Variants in SHROOM2 observed in about 807,000 individuals in gnomAD.
The protein encoded by SHROOM2 is shroom family member 2.
In SHROOM2, 33 loss-of-function variants were observed where a neutral mutation model predicts 75.9. The ratio of observed to expected loss-of-function variants is 0.43; its 90% confidence interval spans 0.33 to 0.58. The LOEUF is 0.58. Among genes scored for constraint, SHROOM2 ranks in the 20% least tolerant of loss-of-function variants. The pLI is 0.04. For synonymous variants in SHROOM2, 655 were observed against 663.6 expected, an observed-to-expected ratio of 0.99 and a Z score of 0.20; for missense variants, 1,434 against 1,461.2, an observed-to-expected ratio of 0.98 and a Z score of 0.30.
intron 1 of SHROOM2, among the ~76,000 whole-genome samples, chrX:9,808,575 A>G (rs191719488): frequency 9.1e-6 from 1 of 109,941 alleles, no homozygotes; most frequent in East Asian, 2.9e-4. Flanking sequence ...ATAAGTGGAT[A>G]TAATGGTTGG....
intron 5 of SHROOM2, among the ~76,000 whole-genome samples, chrX:9,915,817 G>A (rs1170992894): frequency 8.9e-6 from 1 of 112,307 alleles, no homozygotes; most frequent in Non-Finnish European, 1.9e-5. Flanking sequence ...TGGTTCAGCT[G>A]AGTTAGAAGA....
chrX:9,872,287 G>A (rs2084174846), intron 1 of SHROOM2, among the ~76,000 whole-genome samples: 1 of 113,059 alleles, frequency 8.8e-6, no homozygotes, highest in Admixed American at 9.3e-5. Context: ...AATGTAGGCC[G>A]CGCACGGTGG....
chrX:9,910,011 C>T (rs1210522939), intron 5 of SHROOM2, among the ~76,000 whole-genome samples: 1 of 110,349 alleles, frequency 9.1e-6, no homozygotes, highest in African/African-American at 3.3e-5. Context: ...ATCCCATTCG[C>T]AAGAGCTCCA....
intron 5 of SHROOM2, among the ~76,000 whole-genome samples, chrX:9,910,614 C>T (rs1352072713): frequency 1.8e-5 from 2 of 109,124 alleles, no homozygotes; most frequent in East Asian, 5.8e-4. Context: ...GTCAGGAGTT[C>T]GAGACCAGCC....
At chrX:9,829,819 G>T (rs1324310796) in intron 1 of SHROOM2, among the ~76,000 whole-genome samples, 2 of 111,880 alleles carry the variant, frequency 1.8e-5, no homozygotes, top group African/African-American at 6.5e-5. Context: ...TCTAGTTGGG[G>T]TAGGTACAAA....
At position 9,853,969 on chromosome X, in the gene SHROOM2, G is replaced by A. The variant is rs182430265; in HGVS notation, c.166-19683G>A. 6.3e-5 allele frequency among the ~76,000 whole-genome samples: 7 copies of A among 111,981 alleles called. No homozygotes were observed. The East Asian group carries it at 2.0e-3, about 31-fold the overall frequency. ...CCAAATTCCATGCCTTATGGAGAAA[G>A]CCAAGGCTCGTTAGTCTGGTTTGTG... On this transcript the variant is annotated intron_variant, in intron 1 of 9. Transcript: ENST00000380913.
chrX:9,801,706 C>T (rs2083724678), intron 1 of SHROOM2, among the ~76,000 whole-genome samples: 1 of 111,812 alleles, frequency 8.9e-6, no homozygotes, highest in African/African-American at 3.2e-5. Context: ...GTAATCCTAG[C>T]ACTTGGGAGG....
chrX:9,939,666 G>A lies in SHROOM2; in HGVS notation c.4311+300G>A, dbSNP rs774590388. Among the ~76,000 whole-genome samples, 4 of 112,279 alleles carry A rather than the reference G, an allele frequency of 3.6e-5. No individual in the cohort carries two copies. The South Asian group carries it at 1.5e-3, about 41-fold the overall frequency. On this transcript the variant is annotated intron_variant, in intron 8 of 9. Coordinates refer to ENST00000380913, the MANE Select transcript of SHROOM2 (RefSeq NM_001649.4). ...TCTTATTTATTTATTTTTGAGACAG[G>A]GTCTTGCTCTGTCGTGCAGGCTTGA...
At chrX:9,822,647 A>T (rs1319731389) in intron 1 of SHROOM2, among the ~76,000 whole-genome samples, 1 of 112,663 alleles carries the variant, frequency 8.9e-6, no homozygotes, top group Non-Finnish European at 1.9e-5. Flanking sequence ...CTGAGCAGGG[A>T]TCAGTCCTGG....
chrX:9,854,906 C>T (rs1463392088), intron 1 of SHROOM2, among the ~76,000 whole-genome samples: 1 of 111,180 alleles, frequency 9.0e-6, no homozygotes, highest in Non-Finnish European at 1.9e-5. Context: ...TAGCATGTCT[C>T]ATGTCAAAAT....
chrX:9,911,802 A>C (rs778096834), intron 5 of SHROOM2, among the ~76,000 whole-genome samples: 4 of 111,544 alleles, frequency 3.6e-5, no homozygotes. Flanking sequence ...ATATGGACAT[A>C]GAATAGGCTG....
At chrX:9,890,708 G>C (rs1362418809) in intron 2 of SHROOM2, among the ~76,000 whole-genome samples, 1 of 109,400 alleles carries the variant, frequency 9.1e-6, no homozygotes, top group Admixed American at 9.5e-5. Flanking sequence ...CCCCTGCACT[G>C]TTTGGCACGA....
intron 1 of SHROOM2, among the ~76,000 whole-genome samples, chrX:9,825,493 G>A (rs867785977): frequency 8.9e-6 from 1 of 112,302 alleles, no homozygotes; most frequent in Non-Finnish European, 1.9e-5. Context: ...TAATGAACTG[G>A]CATTTTAGAG....
At chrX:9,794,639 G>A (rs1337089039) in intron 1 of SHROOM2, among the ~76,000 whole-genome samples, 1 of 111,583 alleles carries the variant, frequency 9.0e-6, no homozygotes, top group African/African-American at 3.3e-5. Context: ...AAAGTGCTGG[G>A]GATTACAGAC....
intron 5 of SHROOM2, among the ~76,000 whole-genome samples, chrX:9,921,872 A>T (rs187625205): frequency 4.2e-4 from 47 of 111,793 alleles, no homozygotes; most frequent in African/African-American, 1.3e-3. Flanking sequence ...GGTGGCTTCC[A>T]TGCCTTGGCA....
Position 9,895,467 on chromosome X carries a change from T to A in SHROOM2, c.1559T>A (p.Leu520Gln). ...PTVGQSPRHH[L>Q]PQPEGPPDAR... is the part of the protein sequence containing the mutation. ...GTGGGCCAGAGCCCACGCCATCACC[T>A]ACCTCAGCCTGAGGGTCCTCCGGAT... Residue 520 changes from leucine to glutamine, a missense_variant, in exon 4 of 10, where the codon CTA becomes CAA. Coordinates refer to ENST00000380913, the MANE Select transcript of SHROOM2 (RefSeq NM_001649.4). 1.7e-6 allele frequency: 2 copies of A among 1,209,136 alleles called. No homozygotes were observed. Among genetic ancestry groups the A allele is most frequent in the East Asian group, 3.0e-5 (1 of 33,704 alleles).
rs371072821 is a variant in SHROOM2, at chrX:9,895,497, G to A, written c.1589G>A (p.Arg530His). The A allele has an allele frequency of 1.3e-5, 16 of 1,204,487 alleles. No homozygotes were observed. Among genetic ancestry groups the A allele is most frequent in the South Asian group, 1.1e-4 (6 of 55,905 alleles). The change falls in exon 4 of 10, where the codon CGC becomes CAC. Residue 530 changes from arginine (R) to histidine (H), a missense_variant. Arg to His is a conservative substitution (Grantham distance 29). Around this residue, in one of 3 missense-constraint regions of SHROOM2, gnomAD observed 1,340 missense variants for 1,338.3 expected, o/e 1.00. Coordinates refer to ENST00000380913, the MANE Select transcript of SHROOM2 (RefSeq NM_001649.4). Reference protein sequence around the residue: ...LPQPEGPPDARETGRCYPLDK... With the variant: ...LPQPEGPPDAHETGRCYPLDK... ...CAGCCTGAGGGTCCTCCGGATGCCC[G>A]CGAGACAGGACGGTGTTACCCGCTG...
intron 6 of SHROOM2, among the ~76,000 whole-genome samples, chrX:9,933,674 G>C (rs1325704332): frequency 1.2e-4 from 13 of 112,155 alleles, no homozygotes; most frequent in African/African-American, 4.2e-4. Flanking sequence ...CCAGGGAGGA[G>C]GCTGAAGTGG....
At chrX:9,836,736 A>G (rs1319492014) in intron 1 of SHROOM2, among the ~76,000 whole-genome samples, 4 of 111,230 alleles carry the variant, frequency 3.6e-5, no homozygotes, top group African/African-American at 1.3e-4. Flanking sequence ...CAATTTCTAC[A>G]CTATAAAATT....
Sources: gnomAD v4.1 joint callset for allele counts (sites outside exome capture counted in the v4.1 genomes callset) on GRCh38, gnomAD v4.1.1 for gene constraint, gnomAD v4.1.1 regional missense constraint, MANE v1.5 for transcripts, NCBI Gene and HGNC (gene_info 2026-07-23, HGNC 2026-07-21) for gene names.